RAB5A: variants seen among roughly 807,000 people sequenced by gnomAD.
RAB5A encodes RAB5A, member RAS oncogene family.
A neutral mutation model predicts 25.7 loss-of-function variants in RAB5A; 8 were observed. The observed-to-expected ratio is 0.31, with a 90% confidence interval of 0.18 to 0.56. The LOEUF is 0.56. RAB5A is among the 20% of genes least tolerant of loss of function. The probability of loss-of-function intolerance (pLI) is 0.91; values close to 1 mark genes in which losing one functional copy is unlikely to be tolerated. For missense variants in RAB5A, 192 were observed against 259.7 expected, an observed-to-expected ratio of 0.74 and a Z score of 1.79; for synonymous variants, 98 against 89.8, an observed-to-expected ratio of 1.09 and a Z score of -0.52.
intron 5 of RAB5A, among the ~76,000 whole-genome samples, chr3:19,982,997 T>G (rs1238840164): frequency 6.6e-6 from 1 of 152,162 alleles, no homozygotes; most frequent in Non-Finnish European, 1.5e-5. Context: ...CTTTATAAAC[T>G]TACTGGCTGG....
chr3:19,964,769 G>A (rs541067727), intron 2 of RAB5A, among the ~76,000 whole-genome samples: 22 of 152,200 alleles, frequency 1.4e-4, no homozygotes, highest in African/African-American at 5.1e-4. Context: ...ATGTCACCAC[G>A]TCTGGCTTAT....
intron 5 of RAB5A, among the ~76,000 whole-genome samples, chr3:19,982,525 T>C (rs1444204984): frequency 6.6e-6 from 1 of 152,158 alleles, no homozygotes; most frequent in African/African-American, 2.4e-5. Context: ...AGGCAGCTGA[T>C]GGTTACTCTG....
At chr3:19,953,791 T>C (rs941382117) in intron 2 of RAB5A, among the ~76,000 whole-genome samples, 1 of 152,184 alleles carries the variant, frequency 6.6e-6, no homozygotes, top group Non-Finnish European at 1.5e-5. Flanking sequence ...ACAGTACCAT[T>C]ATGGTTATAG....
chr3:19,971,206 A>AG (rs1696745496), intron 2 of RAB5A, among the ~76,000 whole-genome samples: 1 of 136,374 alleles, frequency 7.3e-6, no homozygotes, highest in Admixed American at 7.4e-5. Flanking sequence ...TCAAAAAAAA[A>AG]AAAAAAAAAC....
At position 19,951,000 on chromosome 3, in the gene RAB5A, A is replaced by G; in HGVS notation, c.102A>G (p.Ser34=). 3 of 1,614,142 alleles carry G rather than the reference A, an allele frequency of 1.9e-6. No homozygotes were observed. In the African/African-American group the frequency reaches 4.0e-5, roughly 22 times the overall value. ...TGGGAGAGTCCGCTGTTGGCAAATCAAGCCTAGTGCTTCGTTTTGTGAAAG... is the reference window on the plus strand; with the variant it reads ...TGGGAGAGTCCGCTGTTGGCAAATCGAGCCTAGTGCTTCGTTTTGTGAAAG... ...VLLGESAVGK[S]SLVLRFVKGQ... Residue 34 remains serine (S), a synonymous_variant, in exon 2 of 6, where the codon TCA becomes TCG. Transcript: ENST00000273047.
chr3:19,963,281 C>T (rs1360699006), intron 2 of RAB5A, among the ~76,000 whole-genome samples: 2 of 149,340 alleles, frequency 1.3e-5, no homozygotes, highest in South Asian at 2.1e-4. Flanking sequence ...TATTTTTTAA[C>T]TGTTCCATTG....
chr3:19,969,998 CA>C (rs1448451299), intron 2 of RAB5A, among the ~76,000 whole-genome samples: 8 of 143,586 alleles, frequency 5.6e-5, no homozygotes, highest in African/African-American at 1.0e-4. Context: ...GACGGGTTTT[CA>C]CCATGTTGGT....
chr3:19,960,874 T>C (rs1014376082), intron 2 of RAB5A, among the ~76,000 whole-genome samples: 6 of 152,204 alleles, frequency 3.9e-5, no homozygotes, highest in Non-Finnish European at 8.8e-5. Flanking sequence ...TTGTTGGATA[T>C]TCTTTGGGCC....
At chr3:19,969,973 T>C (rs1169457443) in intron 2 of RAB5A, among the ~76,000 whole-genome samples, 2 of 150,742 alleles carry the variant, frequency 1.3e-5, no homozygotes, top group Non-Finnish European at 3.0e-5. Context: ...CCGGCTAATT[T>C]GTATTTTTAG....
intron 5 of RAB5A, among the ~76,000 whole-genome samples, chr3:19,983,435 A>T (rs1037733949): frequency 1.3e-5 from 2 of 152,126 alleles, no homozygotes; most frequent in Admixed American, 6.6e-5. Flanking sequence ...AGAGAATTAC[A>T]TAAAGCACTA....
intron 2 of RAB5A, among the ~76,000 whole-genome samples, chr3:19,973,837 T>G: frequency 6.6e-6 from 1 of 152,206 alleles, no homozygotes; most frequent in East Asian, 1.9e-4. Flanking sequence ...GTGTCTAACG[T>G]AAAAGAGATA....
chr3:19,978,461 T>G, intron 5 of RAB5A, 58 bp downstream of exon 5: 1 of 1,356,720 alleles, frequency 7.4e-7, no homozygotes, highest in Non-Finnish European at 1.0e-6. Context: ...GTGAAGCATA[T>G]TTGGTTTGAC....
At chr3:19,977,381 A>G (rs1432924005) in intron 4 of RAB5A, among the ~76,000 whole-genome samples, 1 of 152,120 alleles carries the variant, frequency 6.6e-6, no homozygotes, top group East Asian at 1.9e-4. Flanking sequence ...GCATACTTAG[A>G]CCTTTTAAAA....
In RAB5A at chr3:19,947,509, G is replaced by T. The variant is rs1445494676; in HGVS notation, c.-106G>T. 1 of 152,780 alleles carries T rather than the reference G, an allele frequency of 6.5e-6. No individual in the cohort carries two copies. The highest frequency in any genetic ancestry group is 1.5e-5 in the Non-Finnish European group (1 of 68,434). 9.5% of individuals were successfully genotyped at this position (152,780 alleles called of 1,614,324 possible). On this transcript the variant is annotated 5_prime_UTR_variant, in exon 1 of 6. Coordinates refer to ENST00000273047, the MANE Select transcript of RAB5A (RefSeq NM_004162.5). ...AAGCTTCGGCCCCGCAGCTCGGCTT[G>T]CTGCGGTCTCAGGTAACCGAACCGC...
At chr3:19,972,446 A>AG (rs1696764809) in intron 2 of RAB5A, among the ~76,000 whole-genome samples, 1 of 152,206 alleles carries the variant, frequency 6.6e-6, no homozygotes, top group South Asian at 2.1e-4. Flanking sequence ...GCACAGATGT[A>AG]GGAGATATTA....
At chr3:19,977,224 C>T (rs1364286846) in intron 4 of RAB5A, among the ~76,000 whole-genome samples, 2 of 152,154 alleles carry the variant, frequency 1.3e-5, no homozygotes, top group Non-Finnish European at 2.9e-5. Flanking sequence ...AGGCGCCCAC[C>T]ACCACTCCTG....
At chr3:19,983,361 AAAG>A (rs1319582103) in intron 5 of RAB5A, among the ~76,000 whole-genome samples, 1 of 151,752 alleles carries the variant, frequency 6.6e-6, no homozygotes, top group East Asian at 1.9e-4. Context: ...AAAAAAAAAA[AAAG>A]AAGTAATAAT....
chr3:19,954,256 C>G (rs1377480091), intron 2 of RAB5A, among the ~76,000 whole-genome samples: 1 of 152,178 alleles, frequency 6.6e-6, no homozygotes, highest in Non-Finnish European at 1.5e-5. Context: ...CTCAAGTGAT[C>G]CACCTGCCTC....
intron 1 of RAB5A, 158 bp downstream of exon 1, chr3:19,947,679 C>T (rs1419978328): frequency 6.6e-6 from 1 of 152,508 alleles, no homozygotes; most frequent in Middle Eastern, 3.2e-3. Flanking sequence ...AACCCGGCGT[C>T]TTGTTCTGCC....
Sources: allele counts gnomAD v4.1 joint callset (sites outside exome capture counted in the v4.1 genomes callset), GRCh38; gene constraint gnomAD v4.1.1; transcripts MANE v1.5; gene names NCBI Gene and HGNC (gene_info 2026-07-23, HGNC 2026-07-21).